The following PRDM14 variants were observed in gnomAD, a reference collection of about 807,000 sequenced individuals.
PRDM14 encodes the protein PR domain zinc finger protein 14.
A neutral mutation model predicts 48.0 loss-of-function variants in PRDM14; 16 were observed. The observed-to-expected ratio is 0.33, with a 90% confidence interval of 0.23 to 0.51. The LOEUF (loss-of-function observed/expected upper bound fraction) is 0.51, where lower values mean the gene tolerates loss of function less well. Ranked by LOEUF, PRDM14 falls within the 20% of genes least tolerant of loss-of-function variation. The probability of loss-of-function intolerance (pLI) is 0.97; values close to 1 mark genes in which losing one functional copy is unlikely to be tolerated. For synonymous variants in PRDM14, 264 were observed against 276.6 expected, an observed-to-expected ratio of 0.95 and a Z score of 0.45; for missense variants, 566 against 719.6, an observed-to-expected ratio of 0.79 and a Z score of 2.44.
Position 70,066,463 on chromosome 8 carries a change from C to T in PRDM14, c.955G>A (p.Gly319Arg), listed in dbSNP as rs886137633. Residue 319 changes from glycine (G) to arginine (R), a missense_variant, in exon 5 of 8, where the codon GGA becomes AGA. Transcript: ENST00000276594. ...GHLSHFIDGK[G>R]GTGNWMSYVN... ...TAGGACATCCAGTTCCCCGTACCTC[C>T]TTTTCCATCTATAAAGTGGCTCAAA... 2 of 1,613,980 alleles carry T rather than the reference C, an allele frequency of 1.2e-6. No individual in the cohort carries two copies. The highest frequency in any genetic ancestry group is 1.3e-5 in the African/African-American group (1 of 74,910).
At chr8:70,052,398 T>C (rs1805402577) in intron 7 of PRDM14, 94 bp from the exon 8 acceptor site, 2 of 1,014,442 alleles carry the variant, frequency 2.0e-6, no homozygotes, top group Admixed American at 4.5e-5. Context: ...CTGTTGCTCA[T>C]CCTTATGGAC....
At chr8:70,069,951 C>A in intron 1 of PRDM14, 67 bp from the exon 2 acceptor site, 1 of 918,686 alleles carries the variant, frequency 1.1e-6, no homozygotes, top group Non-Finnish European at 1.6e-6. Context: ...CCGCGCCTCC[C>A]CACCAGCCTC....
chr8:70,065,991 G>C (rs749747127), intron 5 of PRDM14, among the ~76,000 whole-genome samples: 2 of 152,136 alleles, frequency 1.3e-5, no homozygotes, highest in Non-Finnish European at 2.9e-5. Flanking sequence ...GGAAGGTAGG[G>C]AAGAAGAACA....
intron 5 of PRDM14, among the ~76,000 whole-genome samples, chr8:70,061,710 C>T (rs1270853730): frequency 6.6e-6 from 1 of 152,170 alleles, no homozygotes; most frequent in Non-Finnish European, 1.5e-5. Flanking sequence ...AGTTTCAATA[C>T]TGAGTTCGCT....
At position 70,058,798 on chromosome 8, in the gene PRDM14, T is replaced by C; in HGVS notation, c.1228A>G (p.Thr410Ala). ...TGCTTATCTCTGTAATATTTGTAGG[T>C]AAATACCTTCCCACATCTTTCACAT... ...YRCERCGKVF[T>A]YKYYRDKHLK... Residue 410 changes from threonine to alanine, a missense_variant, in exon 6 of 8, where the codon ACC becomes GCC. Physicochemically the swap from Thr to Ala is moderately conservative, Grantham distance 58 (BLOSUM62 0). Around this residue, in one of 3 missense-constraint regions of PRDM14, gnomAD observed 126 missense variants for 271.6 expected, o/e 0.46. Coordinates refer to ENST00000276594, the MANE Select transcript of PRDM14 (RefSeq NM_024504.4). The C allele has an allele frequency of 6.2e-7, 1 of 1,614,144 alleles. No individual in the cohort carries two copies. Among genetic ancestry groups the C allele is most frequent in the South Asian group, 1.1e-5 (1 of 91,084 alleles).
chr8:70,059,457 A>G (rs1805539359), intron 5 of PRDM14, among the ~76,000 whole-genome samples: 1 of 151,676 alleles, frequency 6.6e-6, no homozygotes, highest in South Asian at 2.1e-4. Context: ...TTTTTAGTAG[A>G]GGTGGGGTTT....
At chr8:70,062,289 C>G (rs1480825436) in intron 5 of PRDM14, among the ~76,000 whole-genome samples, 1 of 152,142 alleles carries the variant, frequency 6.6e-6, no homozygotes, top group African/African-American at 2.4e-5. Flanking sequence ...CTGATTGCCT[C>G]TGATATCGGC....
intron 7 of PRDM14, among the ~76,000 whole-genome samples, chr8:70,052,590 C>T (rs1052509686): frequency 2.0e-5 from 3 of 152,002 alleles, no homozygotes; most frequent in African/African-American, 7.3e-5. Context: ...GCAGGCTGGG[C>T]GCAGTGGTTC....
At position 70,052,102 on chromosome 8, in the gene PRDM14, TG is replaced by T; in HGVS notation, c.1690del (p.His564ThrfsTer2). 6.2e-7 allele frequency: 1 copy of T among 1,609,424 alleles called. No individual in the cohort carries two copies. The highest frequency in any genetic ancestry group is 8.5e-7 in the Non-Finnish European group (1 of 1,177,824). On this transcript the variant is annotated frameshift_variant, in exon 8 of 8. Coordinates refer to ENST00000276594, the MANE Select transcript of PRDM14 (RefSeq NM_024504.4). LOFTEE classifies it high-confidence loss of function. The stretch of plus-strand genomic sequence containing the variant: ...CTAGTAGTCTTCATGAAACTTCATG[TG>T]GGAGTAGAATGTTTCTTGATCTGAG... Reference protein sequence around the residue: ...IFSDQETFYSHMKFHEDY With the variant: ...IFSDQETFYSXMKFHEDY
chr8:70,058,574 C>G (rs7016464), intron 6 of PRDM14, 66 bp downstream of exon 6: 208,417 of 1,430,014 alleles, frequency 0.15, 16,543 homozygotes, highest in East Asian at 0.23. Flanking sequence ...GGCAACTCCC[C>G]GTGTTCAGGA....
In PRDM14 at chr8:70,069,497, C is replaced by G; in HGVS notation, c.364G>C (p.Ala122Pro). ...PPFLSSSHEY[A>P]GASSEDLGHQ... ...CCCAGATCTTCACTGCTGGCACCCG[C>G]GTACTCGTGGCTGCTGCTCAGGAAG... The change falls in exon 2 of 8, where the codon GCG (alanine) becomes CCG (proline). Residue 122 changes from alanine (A) to proline (P), a missense_variant. Transcript: ENST00000276594. 6.3e-7 allele frequency: 1 copy of G among 1,590,672 alleles called. No individual in the cohort carries two copies. The highest frequency in any genetic ancestry group is 8.6e-7 in the Non-Finnish European group (1 of 1,167,374).
At chr8:70,053,098 T>TAAAAAAA (rs71275048) in intron 7 of PRDM14, among the ~76,000 whole-genome samples, 2 of 82,168 alleles carry the variant, frequency 2.4e-5, no homozygotes, top group Non-Finnish European at 4.4e-5. Context: ...ACCCTCTCTT[T>TAAAAAAA]AAAAAAAAAA....
intron 7 of PRDM14, among the ~76,000 whole-genome samples, chr8:70,054,223 T>C (rs1005271252): frequency 6.6e-6 from 1 of 152,238 alleles, no homozygotes; most frequent in Non-Finnish European, 1.5e-5. Context: ...ATGCCGCTTC[T>C]GCAATGCTCC....
Position 70,069,357 on chromosome 8 carries a change from C to A in PRDM14, c.504G>T (p.Gln168His). ...SLLPEGLRTS[Q>H]LLPCSPSKQS... is the part of the protein sequence containing the mutation. ...GCTTGCTGGGTGAGCAAGGTAATAA[C>A]TGGGAGGTCCTCAGCCCCTCAGGTA... The change falls in exon 2 of 8, where the codon CAG becomes CAT. Residue 168 changes from glutamine to histidine, a missense_variant. Gln to His is a conservative substitution (Grantham distance 24). This residue lies in a region of PRDM14 where 410 missense variants were observed against 424.6 expected (regional missense o/e 0.97). Transcript: ENST00000276594. 2 of 1,612,034 alleles carry A rather than the reference C, an allele frequency of 1.2e-6. No individual in the cohort carries two copies. The highest frequency in any genetic ancestry group is 8.5e-7 in the Non-Finnish European group (1 of 1,178,960).
At chr8:70,055,531 G>A (rs1015315454) in intron 6 of PRDM14, 130 bp from the exon 7 acceptor site, 18 of 529,084 alleles carry the variant, frequency 3.4e-5, no homozygotes, top group Non-Finnish European at 5.4e-5. Context: ...TTTGAGACGG[G>A]ATCTCAATTT....
At chr8:70,067,870 T>G (rs769054378) in intron 4 of PRDM14, among the ~76,000 whole-genome samples, 3 of 152,218 alleles carry the variant, frequency 2.0e-5, no homozygotes, top group Admixed American at 6.5e-5. Flanking sequence ...AATATTGAAT[T>G]TTAAAACTTG....
At chr8:70,069,136 C>T in intron 2 of PRDM14, 25 bp downstream of exon 2, 1 of 1,466,890 alleles carries the variant, frequency 6.8e-7, no homozygotes, top group African/African-American at 1.4e-5. Context: ...CAATTCGACT[C>T]CCAAATGGTG....
intron 4 of PRDM14, among the ~76,000 whole-genome samples, chr8:70,067,920 T>C (rs544342583): frequency 3.3e-5 from 5 of 152,344 alleles, no homozygotes; most frequent in South Asian, 2.1e-4. Context: ...CTCTATAATA[T>C]CTAAAGCATT....
At chr8:70,057,398 C>T (rs1300085938) in intron 6 of PRDM14, among the ~76,000 whole-genome samples, 1 of 151,036 alleles carries the variant, frequency 6.6e-6, no homozygotes, top group East Asian at 1.9e-4. Context: ...GACACAGTCT[C>T]GGCTCACTGC....
Sources: allele counts gnomAD v4.1 joint callset (sites outside exome capture counted in the v4.1 genomes callset), GRCh38; gene constraint gnomAD v4.1.1; regional missense constraint gnomAD v4.1.1; transcripts MANE v1.5; gene names NCBI Gene and HGNC (gene_info 2026-07-23, HGNC 2026-07-21).